Variants in HACD2 observed in about 807,000 individuals in gnomAD.
HACD2 encodes the protein 3-hydroxyacyl-CoA dehydratase 2, also known as very-long-chain (3R)-3-hydroxyacyl-CoA dehydratase 2.
A neutral mutation model predicts 31.0 loss-of-function variants in HACD2; 15 were observed. That is an observed-to-expected ratio of 0.48 (90% CI 0.32 to 0.75). The LOEUF (loss-of-function observed/expected upper bound fraction) is 0.75, where lower values mean the gene tolerates loss of function less well. Among genes scored for constraint, HACD2 ranks in the 30% least tolerant of loss-of-function variants. The pLI is 0.03. For synonymous variants in HACD2, 115 were observed against 122.2 expected (o/e 0.94, Z 0.39); for missense variants, 283 against 313.0 (o/e 0.90, Z 0.72).
chr3:123,569,657 C>T (rs1012117405), intron 2 of HACD2, among the ~76,000 whole-genome samples: 23 of 152,062 alleles, frequency 1.5e-4, no homozygotes, highest in Admixed American at 5.9e-4. Context: ...CCACTGCACC[C>T]GGCCCAGAAA....
chr3:123,544,661 CT>C (rs753672558), intron 3 of HACD2, among the ~76,000 whole-genome samples: 1 of 151,980 alleles, frequency 6.6e-6, no homozygotes, highest in African/African-American at 2.4e-5. Context: ...CTTTTATTTA[CT>C]TTTTGAAGGT....
chr3:123,506,161 A>G (rs1034260789), intron 4 of HACD2, among the ~76,000 whole-genome samples: 10 of 152,246 alleles, frequency 6.6e-5, no homozygotes, highest in Admixed American at 6.5e-4. Flanking sequence ...ATCTTCTTAA[A>G]AATAATTTTT....
Position 123,500,682 on chromosome 3 carries a change from A to G in HACD2, c.515T>C (p.Phe172Ser). The G allele has an allele frequency of 6.3e-7, 1 of 1,598,592 alleles. No individual in the cohort carries two copies. The highest frequency in any genetic ancestry group is 1.1e-5 in the South Asian group (1 of 87,480). Residue 172 changes from phenylalanine (F) to serine (S), a missense_variant, in exon 6 of 7, where the codon TTC becomes TCC. Coordinates refer to ENST00000383657, the MANE Select transcript of HACD2 (RefSeq NM_198402.5). ...CACTCCCATTGGGTACAGCACAATG[A>G]AAAGTGTGTACCTAAAACAAAACAA... ...YLIKWARYTL[F>S]IVLYPMGVSG...
At chr3:123,577,993 A>C (rs1576246306) in intron 2 of HACD2, among the ~76,000 whole-genome samples, 1 of 152,002 alleles carries the variant, frequency 6.6e-6, no homozygotes, top group African/African-American at 2.4e-5. Context: ...CAATATCATC[A>C]CCTTAAAAGG....
At chr3:123,550,164 T>C (rs1183673351) in intron 3 of HACD2, among the ~76,000 whole-genome samples, 1 of 152,052 alleles carries the variant, frequency 6.6e-6, no homozygotes, top group Non-Finnish European at 1.5e-5. Flanking sequence ...CAAAAAGAAG[T>C]ATTTGATACT....
chr3:123,496,594 T>C (rs2055835771), intron 6 of HACD2, among the ~76,000 whole-genome samples: 1 of 152,114 alleles, frequency 6.6e-6, no homozygotes. Flanking sequence ...CTTAAGCATA[T>C]AATTCGACAG....
chr3:123,526,379 C>T (rs1313082379), intron 4 of HACD2, among the ~76,000 whole-genome samples: 1 of 152,150 alleles, frequency 6.6e-6, no homozygotes, highest in East Asian at 1.9e-4. Context: ...AGCAGAAACG[C>T]TGAAGTCCAA....
chr3:123,499,583 G>A, intron 6 of HACD2: 2 of 453,442 alleles, frequency 4.4e-6, no homozygotes, highest in Non-Finnish European at 8.9e-6. Context: ...CTTTGTTAGG[G>A]TGATTCATTC....
chr3:123,510,173 G>C (rs757404261), intron 4 of HACD2, among the ~76,000 whole-genome samples: 1 of 152,028 alleles, frequency 6.6e-6, no homozygotes, highest in Non-Finnish European at 1.5e-5. Flanking sequence ...ACCGCCCCCA[G>C]GTAACCACTA....
chr3:123,497,549 C>T (rs1013743682), intron 6 of HACD2, among the ~76,000 whole-genome samples: 1 of 152,224 alleles, frequency 6.6e-6, no homozygotes, highest in Admixed American at 6.5e-5. Context: ...CACTGACAAC[C>T]TGGAAAGCGC....
chr3:123,554,346 A>C (rs1209310692), intron 3 of HACD2, among the ~76,000 whole-genome samples: 2 of 152,012 alleles, frequency 1.3e-5, no homozygotes, highest in Non-Finnish European at 2.9e-5. Flanking sequence ...ATATAAAGAC[A>C]TATCAGTAGC....
intron 2 of HACD2, among the ~76,000 whole-genome samples, chr3:123,570,410 T>C (rs756338939): frequency 6.6e-6 from 1 of 152,154 alleles, no homozygotes; most frequent in Non-Finnish European, 1.5e-5. Flanking sequence ...GAAACCACTG[T>C]GGACAAGCAC....
At chr3:123,499,806 C>T (rs763072082) in intron 6 of HACD2, among the ~76,000 whole-genome samples, 8 of 152,136 alleles carry the variant, frequency 5.3e-5, no homozygotes, top group Non-Finnish European at 8.8e-5. Flanking sequence ...TATAATTGAA[C>T]ATCAGAATTC....
At chr3:123,505,413 G>A (rs531883178) in intron 4 of HACD2, among the ~76,000 whole-genome samples, 61 of 152,272 alleles carry the variant, frequency 4.0e-4, no homozygotes, top group African/African-American at 1.4e-3. Flanking sequence ...GGTAAATGTT[G>A]TATGTCTTTT....
chr3:123,551,636 A>G (rs938951937), intron 3 of HACD2, among the ~76,000 whole-genome samples: 1 of 151,968 alleles, frequency 6.6e-6, no homozygotes, highest in Non-Finnish European at 1.5e-5. Flanking sequence ...AAGAAAAAAA[A>G]AAAGAAAAAT....
intron 4 of HACD2, among the ~76,000 whole-genome samples, chr3:123,524,931 T>C (rs2056260102): frequency 6.6e-6 from 1 of 152,226 alleles, no homozygotes. Context: ...AAATGGAGAC[T>C]ACAAGCTACC....
chr3:123,581,160 G>A lies in HACD2; in HGVS notation c.273+1052C>T, dbSNP rs553130901. Among the ~76,000 whole-genome samples the A allele has an allele frequency of 9.2e-5, 14 of 152,232 alleles. No individual in the cohort carries two copies. In the South Asian group the frequency reaches 2.9e-3, roughly 32 times the overall value. On this transcript the variant is annotated intron_variant, in intron 2 of 6. Coordinates refer to ENST00000383657, the MANE Select transcript of HACD2 (RefSeq NM_198402.5). ...TCTTAAGTATCATTCCATAGTTCAG[G>A]TTTTAAAAGTTGCCAGTAAAGTATA...
intron 4 of HACD2, among the ~76,000 whole-genome samples, chr3:123,526,888 T>C (rs2056291376): frequency 6.6e-6 from 1 of 152,374 alleles, no homozygotes; most frequent in Non-Finnish European, 1.5e-5. Flanking sequence ...AAAGCATTTT[T>C]GACGTACCTG....
chr3:123,569,096 G>A (rs1395988204), intron 2 of HACD2, among the ~76,000 whole-genome samples: 1 of 152,078 alleles, frequency 6.6e-6, no homozygotes, highest in Non-Finnish European at 1.5e-5. Flanking sequence ...TTGTGGGGGA[G>A]GGATGTGGGG....
Sources: allele counts gnomAD v4.1 joint callset (sites outside exome capture counted in the v4.1 genomes callset), GRCh38; gene constraint gnomAD v4.1.1; transcripts MANE v1.5; gene names NCBI Gene and HGNC (gene_info 2026-07-23, HGNC 2026-07-21).